TMEM143: variants seen among roughly 807,000 people sequenced by gnomAD.
TMEM143 encodes the protein transmembrane protein 143.
TMEM143 carries 45 observed loss-of-function variants against 40.3 expected under a neutral mutation model. The observed-to-expected ratio is 1.12, with a 90% CI of 0.88 to 1.43. TMEM143 has a LOEUF of 1.43. Among genes scored for constraint, TMEM143 ranks in the 40% most tolerant of loss-of-function variants. TMEM143 has a pLI of 0.00. For missense variants in TMEM143, 620 were observed against 613.4 expected (o/e 1.01, Z -0.11); for synonymous variants, 299 against 282.7 (o/e 1.06, Z -0.58).
intron 6 of TMEM143, among the ~76,000 whole-genome samples, chr19:48,341,582 C>T (rs1426791720): frequency 6.6e-6 from 1 of 152,136 alleles, no homozygotes; most frequent in South Asian, 2.1e-4. Flanking sequence ...CATAGCACCT[C>T]CTGTGCCATG....
At chr19:48,352,464 C>T (rs1969799265) in intron 3 of TMEM143, among the ~76,000 whole-genome samples, 1 of 79,596 alleles carries the variant, frequency 1.3e-5, no homozygotes, top group African/African-American at 3.8e-5. Flanking sequence ...CCACCACGCA[C>T]AGTTAATTAA....
chr19:48,361,418 A>G (rs960906663), intron 2 of TMEM143, among the ~76,000 whole-genome samples: 5 of 151,828 alleles, frequency 3.3e-5, no homozygotes, highest in African/African-American at 1.2e-4. Flanking sequence ...GGGTTTCACC[A>G]TGTTGGCCAG....
intron 6 of TMEM143, among the ~76,000 whole-genome samples, chr19:48,334,598 T>TCC (rs1292783250): frequency 1.3e-5 from 2 of 149,126 alleles, no homozygotes; most frequent in Non-Finnish European, 1.5e-5. Flanking sequence ...TTTTTTTTTT[T>TCC]TTCGACAGGG....
intron 6 of TMEM143, among the ~76,000 whole-genome samples, chr19:48,334,482 T>TTTCTTTC (rs1969317588): frequency 2.1e-5 from 1 of 47,338 alleles, no homozygotes; most frequent in Non-Finnish European, 5.2e-5. Context: ...TTCTTTCTTT[T>TTTCTTTC]TCTTTCTTTC....
chr19:48,356,580 C>T (rs1040639365), intron 3 of TMEM143, among the ~76,000 whole-genome samples: 7 of 149,186 alleles, frequency 4.7e-5, no homozygotes, highest in Non-Finnish European at 7.4e-5. Flanking sequence ...TAGACATGCG[C>T]TACCAGGCCC....
intron 6 of TMEM143, among the ~76,000 whole-genome samples, chr19:48,342,110 T>G (rs1318086301): frequency 0.018 from 685 of 38,520 alleles, no homozygotes; most frequent in Admixed American, 0.023. Flanking sequence ...AGGAAGGAGG[T>G]GGGGAGAGGG....
chr19:48,352,261 A>AAAAAAAAAAAAAAAAAAAAAAAAC (rs930196732), intron 3 of TMEM143, among the ~76,000 whole-genome samples: 1 of 143,800 alleles, frequency 7.0e-6, no homozygotes, highest in African/African-American at 2.8e-5. Flanking sequence ...AAAAAAAAAA[A>AAAAAAAAAAAAAAAAAAAAAAAAC]ACACCATATC....
rs148460393 is a variant in TMEM143 at position 48,342,658 on chromosome 19, G to T, written c.847C>A (p.Leu283Ile). ...GCCACGCCGGAGACTACCAGCATGAGGTTGAGCAGGGCGCGCTGCAGGGTG... is the reference window on the plus strand; with the variant it reads ...GCCACGCCGGAGACTACCAGCATGATGTTGAGCAGGGCGCGCTGCAGGGTG... ...TPTLQRALLN[L>I]MLVVSGVAIF... The change falls in exon 6 of 8, where the codon CTC becomes ATC. Residue 283 changes from leucine to isoleucine, a missense_variant. By Grantham distance (5) the Leu-to-Ile change is conservative. Transcript: ENST00000293261. 1 of 1,614,012 alleles carries T rather than the reference G, an allele frequency of 6.2e-7. No homozygotes were observed. Among genetic ancestry groups the T allele is most frequent in the Non-Finnish European group, 8.5e-7 (1 of 1,180,028 alleles).
At chr19:48,336,012 G>T (rs542229735) in intron 6 of TMEM143, among the ~76,000 whole-genome samples, 5 of 152,284 alleles carry the variant, frequency 3.3e-5, no homozygotes, top group Admixed American at 6.5e-5. Context: ...TAGTCTCTTT[G>T]CTTGGACCCC....
intron 2 of TMEM143, chr19:48,360,435 G>A (rs910123724): frequency 1.9e-5 from 7 of 375,162 alleles, no homozygotes; most frequent in South Asian, 7.1e-5. Flanking sequence ...AAAATTAGCC[G>A]GGCGTGATGG....
intron 3 of TMEM143, among the ~76,000 whole-genome samples, chr19:48,346,635 T>C (rs943857778): frequency 3.9e-5 from 6 of 152,064 alleles, no homozygotes; most frequent in Admixed American, 1.3e-4. Flanking sequence ...TGGAGTGCAA[T>C]GGCATGATCT....
chr19:48,358,629 C>G (rs775178772), intron 3 of TMEM143, among the ~76,000 whole-genome samples: 1 of 152,142 alleles, frequency 6.6e-6, no homozygotes, highest in Non-Finnish European at 1.5e-5. Flanking sequence ...ATCAGCAAAA[C>G]GCTGATGCCT....
intron 3 of TMEM143, among the ~76,000 whole-genome samples, chr19:48,356,487 G>C (rs1399160523): frequency 2.1e-5 from 3 of 146,022 alleles, no homozygotes; most frequent in Non-Finnish European, 4.5e-5. Flanking sequence ...GGATAGTGCA[G>C]TGGCAAAATC....
chr19:48,334,906 G>A (rs866890497), intron 6 of TMEM143, among the ~76,000 whole-genome samples: 32 of 152,116 alleles, frequency 2.1e-4, no homozygotes, highest in African/African-American at 6.7e-4. Context: ...TTTAACACAC[G>A]TGCCCTCATT....
intron 6 of TMEM143, among the ~76,000 whole-genome samples, chr19:48,339,323 G>A (rs1409468446): frequency 5.3e-5 from 8 of 152,266 alleles, no homozygotes; most frequent in Admixed American, 1.3e-4. Context: ...GGCCCCAGCC[G>A]GGAGGCTGAG....
At chr19:48,363,173 G>T (rs1038066690) in intron 2 of TMEM143, 118 bp downstream of exon 2, 5 of 1,385,248 alleles carry the variant, frequency 3.6e-6, no homozygotes, top group East Asian at 2.5e-5. Context: ...GAAGGGACCC[G>T]GGAACTACAA....
At position 48,332,803 on chromosome 19, in the gene TMEM143, T is replaced by C. The variant is rs1417183854; in HGVS notation, c.*416A>G. On this transcript the variant is annotated 3_prime_UTR_variant, in exon 8 of 8. Transcript: ENST00000293261. ...CGGCCTTGGTGCACATGATGGGCAG[T>C]TTGCCCGGAGCGGGCTGAAAAAGAC... 6.4e-6 allele frequency: 1 copy of C among 156,228 alleles called. No individual in the cohort carries two copies. The highest frequency in any genetic ancestry group is 1.4e-5 in the Non-Finnish European group (1 of 70,860). 9.7% of individuals were successfully genotyped at this position (156,228 alleles called of 1,614,324 possible).
chr19:48,342,822 G>C lies in TMEM143; in HGVS notation c.696-13C>G, dbSNP rs201493794. 141 of 1,587,090 alleles carry C rather than the reference G, an allele frequency of 8.9e-5. No homozygotes were observed. Among genetic ancestry groups the C allele is most frequent in the Non-Finnish European group, 1.2e-4 (135 of 1,161,586 alleles). ...CTTAAAGTATCTCCTGAGGGACAGA[G>C]ACAGAGGCAGGAGCAGGATCGGGAC... On this transcript the variant is annotated splice_polypyrimidine_tract_variant and intron_variant, in intron 5 of 7. Coordinates refer to ENST00000293261, the MANE Select transcript of TMEM143 (RefSeq NM_018273.4).
At chr19:48,362,008 T>C (rs1347626044) in intron 2 of TMEM143, among the ~76,000 whole-genome samples, 2 of 149,288 alleles carry the variant, frequency 1.3e-5, no homozygotes, top group Non-Finnish European at 2.9e-5. Context: ...GTGCATATAT[T>C]TGTATATTTA....
Sources: gnomAD v4.1 joint callset for allele counts (sites outside exome capture counted in the v4.1 genomes callset) on GRCh38, gnomAD v4.1.1 for gene constraint, MANE v1.5 for transcripts, NCBI Gene and HGNC (gene_info 2026-07-23, HGNC 2026-07-21) for gene names.